The following EIF4E3 variants were observed in gnomAD, a reference collection of about 807,000 sequenced individuals.
EIF4E3 encodes eukaryotic translation initiation factor 4E family member 3, also known as eukaryotic translation initiation factor 4E type 3.
In EIF4E3, 26 loss-of-function variants were observed where a neutral mutation model predicts 31.7. The ratio of observed to expected loss-of-function variants is 0.82; its 90% confidence interval spans 0.60 to 1.14. The LOEUF (loss-of-function observed/expected upper bound fraction) is 1.14, where lower values mean the gene tolerates loss of function less well. Ranked by LOEUF, EIF4E3 falls within the 50% of genes most tolerant of loss-of-function variation. The probability of loss-of-function intolerance (pLI) is 0.00; values close to 1 mark genes in which losing one functional copy is unlikely to be tolerated. For missense variants in EIF4E3, 304 were observed against 270.9 expected (o/e 1.12, Z -0.86); for synonymous variants, 128 against 107.7 (o/e 1.19, Z -1.17).
rs1559602570 is a variant in EIF4E3 at position 71,714,289 on chromosome 3, GGAAGGAAGGAAGGAACGAAA to G, written c.177-3825_177-3806del. Reference sequence around the variant, plus strand: ...AGGAAGGAAAGAAGGAAGGAAGGAAGGAAGGAAGGAAGGAACGAAAGAAAGGAAAGGAAAGAAAGAAAGAA... The same window carrying G: ...AGGAAGGAAAGAAGGAAGGAAGGAAGGAAAGGAAAGGAAAGAAAGAAAGAA... On this transcript the variant is annotated intron_variant, in intron 1 of 6. Transcript: ENST00000425534. Among the ~76,000 whole-genome samples the G allele has an allele frequency of 2.5e-3, 330 of 132,152 alleles. 2 individuals carry two copies. Among genetic ancestry groups the G allele is most frequent in the African/African-American group, 0.01 (313 of 30,686 alleles). The allele number at this position is 132,152 out of a possible 152,430, so 86.7% of individuals were successfully genotyped here.
upstream of EIF4E3, chr3:71,754,003 G>A: frequency 9.2e-7 from 1 of 1,081,094 alleles, no homozygotes; most frequent in Non-Finnish European, 1.1e-6. The surrounding 1 kb of genome is among the most constrained non-coding windows in gnomAD (Gnocchi z 5.8). Context: ...GGAGCGGCGA[G>A]GCAGGGGACG....
At chr3:71,703,026 A>T (rs1471475257) in intron 2 of EIF4E3, among the ~76,000 whole-genome samples, 2 of 152,280 alleles carry the variant, frequency 1.3e-5, no homozygotes, top group Non-Finnish European at 2.9e-5. Context: ...CTTATAATTA[A>T]TTCTGTTAGA....
intron 4 of EIF4E3, among the ~76,000 whole-genome samples, chr3:71,694,573 T>C (rs1233613462): frequency 6.6e-6 from 1 of 152,186 alleles, no homozygotes; most frequent in Non-Finnish European, 1.5e-5. Context: ...AGTTTCTTTC[T>C]CCTCATGATC....
chr3:71,749,357 T>C (rs2108164126), intron 1 of EIF4E3, among the ~76,000 whole-genome samples: 1 of 152,380 alleles, frequency 6.6e-6, no homozygotes, highest in South Asian at 2.1e-4. Context: ...GTCAAAGTTA[T>C]GACTTCGTCC....
At chr3:71,697,326 G>A (rs2049153671) in intron 3 of EIF4E3, among the ~76,000 whole-genome samples, 2 of 152,112 alleles carry the variant, frequency 1.3e-5, no homozygotes, top group Non-Finnish European at 2.9e-5. Context: ...TGGCCTACAT[G>A]TGATATTTTG....
downstream of EIF4E3, among the ~76,000 whole-genome samples, chr3:71,670,728 G>T (rs1174390590): frequency 2.6e-5 from 4 of 152,156 alleles, no homozygotes; most frequent in African/African-American, 7.2e-5. Context: ...GACCACTGTG[G>T]TACCATGAAG....
At position 71,682,738 on chromosome 3, in the gene EIF4E3, A is replaced by C. The variant is rs1243831566; in HGVS notation, c.*1944T>G. The C allele has an allele frequency of 1.3e-5, 2 of 152,646 alleles. No individual in the cohort carries two copies. Among genetic ancestry groups the C allele is most frequent in the Non-Finnish European group, 2.9e-5 (2 of 68,028 alleles). 9.5% of individuals were successfully genotyped at this position (152,646 alleles called of 1,614,324 possible). A position where few individuals can be genotyped will look rare whatever the true frequency, so the allele number is the denominator to read the frequency against. ...CTAGAAATATTAACGTGAGCCTAAC[A>C]TTCCTATTTATTTTTACTTCAAAGG... On this transcript the variant is annotated 3_prime_UTR_variant, in exon 7 of 7. Transcript: ENST00000425534.
chr3:71,687,690 A>G (rs1458460860), intron 6 of EIF4E3, among the ~76,000 whole-genome samples: 2 of 152,324 alleles, frequency 1.3e-5, no homozygotes, highest in African/African-American at 4.8e-5. Context: ...TTCTCAGTCA[A>G]ATAATGTGTA....
At chr3:71,671,667 G>A (rs2048848343), downstream of EIF4E3, among the ~76,000 whole-genome samples, 2 of 152,062 alleles carry the variant, frequency 1.3e-5, no homozygotes, top group South Asian at 2.1e-4. Flanking sequence ...GCGGCGGGGC[G>A]GCTGCGTGGA....
At chr3:71,673,572 T>G (rs1032132119), downstream of EIF4E3, among the ~76,000 whole-genome samples, 1 of 152,048 alleles carries the variant, frequency 6.6e-6, no homozygotes, top group South Asian at 2.1e-4. Context: ...ACACCGCTTA[T>G]GACAACATTC....
intron 1 of EIF4E3, among the ~76,000 whole-genome samples, chr3:71,737,253 T>C (rs1221435916): frequency 6.6e-6 from 1 of 152,214 alleles, no homozygotes; most frequent in Non-Finnish European, 1.5e-5. Context: ...GTCATCTCTA[T>C]GATCTGGAAA....
At chr3:71,715,907 G>A (rs1578366071) in intron 1 of EIF4E3, among the ~76,000 whole-genome samples, 1 of 152,308 alleles carries the variant, frequency 6.6e-6, no homozygotes, top group East Asian at 1.9e-4. Context: ...TTAAGTAGCA[G>A]GTCTGGGTTC....
chr3:71,671,206 C>T (rs1411837939), downstream of EIF4E3, among the ~76,000 whole-genome samples: 1 of 152,130 alleles, frequency 6.6e-6, no homozygotes, highest in Non-Finnish European at 1.5e-5. Context: ...CTCAAGTGCC[C>T]TCTCTGTTGC....
upstream of EIF4E3, chr3:71,729,238 T>C (rs764644391): frequency 6.6e-6 from 1 of 152,224 alleles, no homozygotes; most frequent in Non-Finnish European, 1.5e-5. Context: ...AGCAGAATGA[T>C]GACGTTGGAA....
intron 1 of EIF4E3, among the ~76,000 whole-genome samples, chr3:71,713,469 C>T (rs187354449): frequency 1.3e-5 from 2 of 152,254 alleles, no homozygotes; most frequent in Admixed American, 1.3e-4. Flanking sequence ...AAAGGTCTCA[C>T]TCTGTTGCCC....
intron 1 of EIF4E3, among the ~76,000 whole-genome samples, chr3:71,745,232 A>G (rs906115400): frequency 2.6e-5 from 4 of 152,210 alleles, no homozygotes; most frequent in Non-Finnish European, 4.4e-5. Context: ...CCCAATGCAA[A>G]GCTTGGTGCT....
chr3:71,753,511 C>CCCTCCCGGCCG (rs1255967618), exon 1 of EIF4E3: 2 of 151,600 alleles, frequency 1.3e-5, no homozygotes, highest in East Asian at 1.9e-4. Context: ...GGCCCTGCCT[C>CCCTCCCGGCCG]CCTCCCGGCC....
At chr3:71,687,046 G>C (rs1411542786) in intron 6 of EIF4E3, among the ~76,000 whole-genome samples, 17 of 152,194 alleles carry the variant, frequency 1.1e-4, no homozygotes, top group Non-Finnish European at 7.3e-5. Context: ...TGTCGCCCAG[G>C]CTAGAGTGCA....
At chr3:71,673,524 C>T (rs2048856889), downstream of EIF4E3, among the ~76,000 whole-genome samples, 1 of 152,050 alleles carries the variant, frequency 6.6e-6, no homozygotes, top group South Asian at 2.1e-4. Flanking sequence ...AAACACTCAG[C>T]TTTAGAAATC....
Sources: gnomAD v4.1 joint callset for allele counts (sites outside exome capture counted in the v4.1 genomes callset) on GRCh38, gnomAD v4.1.1 for gene constraint, Gnocchi (gnomAD v3.1) non-coding constraint, MANE v1.5 for transcripts, NCBI Gene and HGNC (gene_info 2026-07-23, HGNC 2026-07-21) for gene names.